Variants in LHFPL6 observed in about 807,000 individuals in gnomAD.
LHFPL6 encodes LHFPL tetraspan subfamily member 6 protein.
In LHFPL6, 9 loss-of-function variants were observed where a neutral mutation model predicts 20.6. The observed-to-expected ratio is 0.44, with a 90% CI of 0.26 to 0.76. The LOEUF (loss-of-function observed/expected upper bound fraction) is 0.76, where lower values mean the gene tolerates loss of function less well. Ranked by LOEUF, LHFPL6 falls within the 30% of genes least tolerant of loss-of-function variation. The pLI is 0.20. For missense variants in LHFPL6, 218 were observed against 253.5 expected, an observed-to-expected ratio of 0.86 and a Z score of 0.95; for synonymous variants, 105 against 98.7, an observed-to-expected ratio of 1.06 and a Z score of -0.38.
At chr13:39,482,958 A>G (rs976837955) in intron 2 of LHFPL6, among the ~76,000 whole-genome samples, 1 of 152,212 alleles carries the variant, frequency 6.6e-6, no homozygotes, top group Non-Finnish European at 1.5e-5. Flanking sequence ...AATGGAAGAC[A>G]TTGCAAAGGA....
chr13:39,433,004 C>T (rs1424852144), intron 2 of LHFPL6, among the ~76,000 whole-genome samples: 1 of 152,138 alleles, frequency 6.6e-6, no homozygotes, highest in African/African-American at 2.4e-5. Context: ...TCCTATGAGG[C>T]TAAGAAATAC....
chr13:39,597,946 C>T (rs192614977), intron 2 of LHFPL6, among the ~76,000 whole-genome samples: 80 of 152,310 alleles, frequency 5.3e-4, no homozygotes, highest in African/African-American at 1.8e-3. Context: ...ACACAGCAGG[C>T]GGGGTTAAGC....
chr13:39,545,539 C>A (rs1373450299), intron 2 of LHFPL6, among the ~76,000 whole-genome samples: 1 of 152,006 alleles, frequency 6.6e-6, no homozygotes, highest in East Asian at 1.9e-4. Flanking sequence ...ATCACCTTGA[C>A]AACGGAAATA....
At chr13:39,407,137 G>A (rs1471187067) in intron 2 of LHFPL6, among the ~76,000 whole-genome samples, 1 of 152,160 alleles carries the variant, frequency 6.6e-6, no homozygotes, top group Non-Finnish European at 1.5e-5. Context: ...TGCTTCAGTT[G>A]TATTAATTCA....
intron 2 of LHFPL6, among the ~76,000 whole-genome samples, chr13:39,450,282 G>T (rs1252533123): frequency 6.6e-6 from 1 of 152,164 alleles, no homozygotes; most frequent in Non-Finnish European, 1.5e-5. Flanking sequence ...AAGCACAATA[G>T]TCTGGGGATA....
chr13:39,576,780 T>C (rs949475522), intron 2 of LHFPL6, among the ~76,000 whole-genome samples: 1 of 150,560 alleles, frequency 6.6e-6, no homozygotes, highest in Admixed American at 6.7e-5. Flanking sequence ...ACTACAGGCA[T>C]GCACCATCAT....
intron 2 of LHFPL6, among the ~76,000 whole-genome samples, chr13:39,553,158 T>C (rs1259535455): frequency 6.6e-6 from 1 of 152,240 alleles, no homozygotes; most frequent in Non-Finnish European, 1.5e-5. Context: ...ATCATTCATT[T>C]TAGTCTTCAT....
chr13:39,598,538 T>C lies in LHFPL6; in HGVS notation c.385+2294A>G, dbSNP rs921360588. ...GAGAATATCAGCTGCTACTAACAAA[T>C]TTTATTTATCTTTATTTATTTTATT... On this transcript the variant is annotated intron_variant, in intron 2 of 3. Transcript: ENST00000379589. Among the ~76,000 whole-genome samples the C allele has an allele frequency of 5.9e-5, 9 of 151,960 alleles. No individual in the cohort carries two copies. The East Asian group carries it at 9.7e-4, about 16-fold the overall frequency.
At chr13:39,589,949 A>AC (rs1427551297) in intron 2 of LHFPL6, among the ~76,000 whole-genome samples, 2 of 152,198 alleles carry the variant, frequency 1.3e-5, no homozygotes, top group East Asian at 3.8e-4. Flanking sequence ...TTTCTATCAT[A>AC]CCAGAAGCAT....
chr13:39,560,496 C>T (rs948621130), intron 2 of LHFPL6, among the ~76,000 whole-genome samples: 2 of 141,100 alleles, frequency 1.4e-5, no homozygotes, highest in African/African-American at 5.2e-5. Flanking sequence ...TTGGGTTATG[C>T]AAATTCTCTT....
chr13:39,345,001 T>C (rs185492464), intron 3 of LHFPL6, among the ~76,000 whole-genome samples: 2 of 152,356 alleles, frequency 1.3e-5, no homozygotes, highest in East Asian at 1.9e-4. Context: ...TTATTCTTTT[T>C]GTGTGCACAG....
chr13:39,515,562 T>G (rs949709463), intron 2 of LHFPL6, among the ~76,000 whole-genome samples: 2 of 152,204 alleles, frequency 1.3e-5, no homozygotes, highest in African/African-American at 4.8e-5. Context: ...GCTTGCTAAA[T>G]GCTTGCCTTT....
chr13:39,450,095 T>C (rs1312860388), intron 2 of LHFPL6, among the ~76,000 whole-genome samples: 1 of 152,212 alleles, frequency 6.6e-6, no homozygotes, highest in African/African-American at 2.4e-5. Flanking sequence ...TTTTATGCTT[T>C]ACCTAAAAAT....
At chr13:39,563,330 C>G (rs1407737169) in intron 2 of LHFPL6, among the ~76,000 whole-genome samples, 1 of 151,998 alleles carries the variant, frequency 6.6e-6, no homozygotes, top group African/African-American at 2.4e-5. Flanking sequence ...AAGAAAACCC[C>G]TCTGTGACAG....
rs747104228 is a variant in LHFPL6 at position 39,492,478 on chromosome 13, G to A, written c.385+108354C>T. On this transcript the variant is annotated intron_variant, in intron 2 of 3. Transcript: ENST00000379589. The stretch of plus-strand genomic sequence containing the variant: ...ATTATAAAAGGAATACATATTTCTT[G>A]TAGAGACTTTGGAATGTATTCAAAT... Among the ~76,000 whole-genome samples the A allele has an allele frequency of 2.0e-5, 3 of 152,172 alleles. No homozygotes were observed. In the East Asian group the frequency reaches 5.8e-4, roughly 29 times the overall value.
rs77680857 is a variant in LHFPL6, at chr13:39,514,912, A to G, written c.385+85920T>C. Reference sequence around the variant, plus strand: ...CTCTATCCCCCACGTAATGCCACATATTGGAAAACAAGCTCCAAGAATGTG... The same window carrying G: ...CTCTATCCCCCACGTAATGCCACATGTTGGAAAACAAGCTCCAAGAATGTG... On this transcript the variant is annotated intron_variant, in intron 2 of 3. Coordinates refer to ENST00000379589, the MANE Select transcript of LHFPL6 (RefSeq NM_005780.3). Among the ~76,000 whole-genome samples, 317 of 152,354 alleles carry G rather than the reference A, an allele frequency of 2.1e-3. 4 individuals are homozygous for G. The East Asian group carries it at 0.028, about 14-fold the overall frequency.
intron 3 of LHFPL6, among the ~76,000 whole-genome samples, chr13:39,348,167 C>T (rs952158600): frequency 1.1e-4 from 16 of 152,162 alleles, no homozygotes; most frequent in Admixed American, 2.0e-4. Context: ...TTCAGGGTCT[C>T]GTAAGTGGCA....
At chr13:39,531,875 T>A (rs1870478250) in intron 2 of LHFPL6, among the ~76,000 whole-genome samples, 1 of 152,168 alleles carries the variant, frequency 6.6e-6, no homozygotes, top group African/African-American at 2.4e-5. Context: ...ACGTGATATA[T>A]GCCAACACCC....
chr13:39,585,512 A>G (rs1469819166), intron 2 of LHFPL6, among the ~76,000 whole-genome samples: 1 of 152,262 alleles, frequency 6.6e-6, no homozygotes, highest in Non-Finnish European at 1.5e-5. Context: ...CACAAATAAC[A>G]TAAGCTGTGA....
Sources: allele counts gnomAD v4.1 joint callset (sites outside exome capture counted in the v4.1 genomes callset), GRCh38; gene constraint gnomAD v4.1.1; transcripts MANE v1.5; gene names NCBI Gene and HGNC (gene_info 2026-07-23, HGNC 2026-07-21).